The following ERICH5 variants were observed in gnomAD, a reference collection of about 807,000 sequenced individuals.
The protein encoded by ERICH5 is glutamate rich 5, also known as glutamate-rich protein 5.
In ERICH5, 24 loss-of-function variants were observed where a neutral mutation model predicts 28.0. The observed-to-expected ratio is 0.86, with a 90% CI of 0.62 to 1.21. The LOEUF is 1.21. Ranked by LOEUF, ERICH5 falls within the 50% of genes most tolerant of loss-of-function variation. The probability of loss-of-function intolerance (pLI) is 0.00; values close to 1 mark genes in which losing one functional copy is unlikely to be tolerated. For missense variants in ERICH5, 421 were observed against 441.2 expected, an observed-to-expected ratio of 0.95 and a Z score of 0.41; for synonymous variants, 163 against 157.6, an observed-to-expected ratio of 1.03 and a Z score of -0.25.
At chr8:98,066,197 G>A (rs1006504699) in intron 1 of ERICH5, among the ~76,000 whole-genome samples, 1 of 152,168 alleles carries the variant, frequency 6.6e-6, no homozygotes, top group African/African-American at 2.4e-5. Context: ...TCGATGTTTC[G>A]TGTTTTATGT....
At chr8:98,075,785 C>CTTTTTTGTTTTTT (rs1815041098) in intron 1 of ERICH5, among the ~76,000 whole-genome samples, 1 of 81,646 alleles carries the variant, frequency 1.2e-5, no homozygotes, top group Non-Finnish European at 2.3e-5. Flanking sequence ...GCACACCTGC[C>CTTTTTTGTTTTTT]TTTTTTTTTT....
At chr8:98,073,466 A>C (rs4048725) in intron 1 of ERICH5, among the ~76,000 whole-genome samples, 31 of 2,014 alleles carry the variant, frequency 0.015, 4 homozygotes, top group African/African-American at 0.032. Flanking sequence ...ATATGTATAT[A>C]TATATATATA....
At chr8:98,066,095 C>A (rs1814814947) in intron 1 of ERICH5, among the ~76,000 whole-genome samples, 1 of 152,186 alleles carries the variant, frequency 6.6e-6, no homozygotes, top group Non-Finnish European at 1.5e-5. Context: ...AAATTCATTT[C>A]TAATGCACAG....
At chr8:98,067,926 G>GA (rs1563752133) in intron 1 of ERICH5, among the ~76,000 whole-genome samples, 1 of 151,890 alleles carries the variant, frequency 6.6e-6, no homozygotes, top group Admixed American at 6.6e-5. Context: ...ATTATTTAGG[G>GA]ATAGAATAAT....
At chr8:98,073,424 CTCTCTCTCTATA>C (rs1184978009) in intron 1 of ERICH5, among the ~76,000 whole-genome samples, 1 of 21,246 alleles carries the variant, frequency 4.7e-5, no homozygotes, top group Non-Finnish European at 7.7e-5. Flanking sequence ...CTCTCTCTCT[CTCTCTCTCTATA>C]TATATATATA....
At chr8:98,076,958 C>G (rs1211586240) in intron 1 of ERICH5, among the ~76,000 whole-genome samples, 1 of 152,132 alleles carries the variant, frequency 6.6e-6, no homozygotes, top group African/African-American at 2.4e-5. Flanking sequence ...CTGTGTGCCC[C>G]TCTTAGATAA....
At chr8:98,073,842 T>A (rs1352219722) in intron 1 of ERICH5, among the ~76,000 whole-genome samples, 1 of 148,430 alleles carries the variant, frequency 6.7e-6, no homozygotes, top group Non-Finnish European at 1.5e-5. Context: ...TGCACCCAGC[T>A]TTTTGTGTTT....
intron 1 of ERICH5, among the ~76,000 whole-genome samples, chr8:98,067,463 A>C (rs1370472075): frequency 1.3e-5 from 2 of 151,908 alleles, no homozygotes; most frequent in Non-Finnish European, 2.9e-5. Flanking sequence ...ATTAAAAAAA[A>C]AAAAAAAGAA....
intron 1 of ERICH5, among the ~76,000 whole-genome samples, chr8:98,087,108 C>CGG (rs1411944556): frequency 6.6e-6 from 1 of 152,096 alleles, no homozygotes; most frequent in Non-Finnish European, 1.5e-5. Context: ...TCTGGGAAGT[C>CGG]AAGGCAGGTG....
At chr8:98,092,291 C>T (rs894742884) in intron 2 of ERICH5, among the ~76,000 whole-genome samples, 10 of 152,014 alleles carry the variant, frequency 6.6e-5, no homozygotes, top group Non-Finnish European at 8.8e-5. Context: ...TCTCCCTCCT[C>T]GGCCTCCTGA....
chr8:98,091,824 C>CTTTCTT (rs1292495553), intron 2 of ERICH5, among the ~76,000 whole-genome samples: 2 of 149,764 alleles, frequency 1.3e-5, no homozygotes, highest in Non-Finnish European at 3.0e-5. Context: ...CTTTCTTTTT[C>CTTTCTT]TTTCTTTTTC....
chr8:98,088,855 G>A (rs1447093423), intron 1 of ERICH5, among the ~76,000 whole-genome samples: 4 of 152,150 alleles, frequency 2.6e-5, no homozygotes. Context: ...TGGTTTTGGA[G>A]GACTTCAGCG....
chr8:98,081,378 T>C (rs1258992211), intron 1 of ERICH5, among the ~76,000 whole-genome samples: 1 of 152,182 alleles, frequency 6.6e-6, no homozygotes, highest in Non-Finnish European at 1.5e-5. Context: ...AGTGCTGAGA[T>C]TACAAGTGTG....
chr8:98,080,288 G>A (rs1815154004), intron 1 of ERICH5, among the ~76,000 whole-genome samples: 1 of 152,244 alleles, frequency 6.6e-6, no homozygotes, highest in Non-Finnish European at 1.5e-5. Context: ...GATCCAGAGA[G>A]GTTAGGAACT....
Position 98,081,108 on chromosome 8 carries a change from T to C in ERICH5, c.59-7968T>C, listed in dbSNP as rs541121327. Among the ~76,000 whole-genome samples the C allele has an allele frequency of 6.0e-4, 90 of 150,148 alleles. 1 individual carries two copies. Among genetic ancestry groups the C allele is most frequent in the African/African-American group, 1.8e-3 (74 of 40,598 alleles). On this transcript the variant is annotated intron_variant, in intron 1 of 2. Transcript: ENST00000318528. Reference sequence around the variant, plus strand: ...TCTTTCTCTCTCTCTCTCTCTCTCTTTTTTTCTTTTTTCTTGAAACAGGGT... The same window carrying C: ...TCTTTCTCTCTCTCTCTCTCTCTCTCTTTTTCTTTTTTCTTGAAACAGGGT...
intron 1 of ERICH5, among the ~76,000 whole-genome samples, chr8:98,076,668 T>C (rs1423597807): frequency 6.6e-6 from 1 of 152,186 alleles, no homozygotes; most frequent in African/African-American, 2.4e-5. Context: ...TGTATATTCA[T>C]ATAGGATTGT....
chr8:98,088,047 T>G (rs1815311863), intron 1 of ERICH5, among the ~76,000 whole-genome samples: 1 of 152,060 alleles, frequency 6.6e-6, no homozygotes, highest in Admixed American at 6.6e-5. Context: ...CATAGTGAGA[T>G]CCTGTCTCTA....
intron 1 of ERICH5, among the ~76,000 whole-genome samples, chr8:98,066,034 G>C (rs1167375588): frequency 6.6e-6 from 1 of 152,146 alleles, no homozygotes; most frequent in Non-Finnish European, 1.5e-5. Flanking sequence ...AAAATTAAAA[G>C]CATTATAAAA....
Position 98,089,456 on chromosome 8 carries a change from G to A in ERICH5, c.439G>A (p.Ala147Thr). 2 of 1,614,238 alleles carry A rather than the reference G, an allele frequency of 1.2e-6. No homozygotes were observed. Among genetic ancestry groups the A allele is most frequent in the Non-Finnish European group, 1.7e-6 (2 of 1,180,042 alleles). Reference sequence around the variant, plus strand: ...AGAGGCCGAGTCTCTAAAAGGAAATGCTGAAGCTCAGCCTTTAGGACCAGA... The same window carrying A: ...AGAGGCCGAGTCTCTAAAAGGAAATACTGAAGCTCAGCCTTTAGGACCAGA... ...GTEAESLKGN[A>T]EAQPLGPEAK... is the part of the protein sequence containing the mutation. The change falls in exon 2 of 3, where the codon GCT becomes ACT. Residue 147 changes from alanine (A) to threonine (T), a missense_variant. By Grantham distance (58) the Ala-to-Thr change is moderately conservative. Coordinates refer to ENST00000318528, the MANE Select transcript of ERICH5 (RefSeq NM_173549.3).
Sources: allele counts gnomAD v4.1 joint callset (sites outside exome capture counted in the v4.1 genomes callset), GRCh38; gene constraint gnomAD v4.1.1; transcripts MANE v1.5; gene names NCBI Gene and HGNC (gene_info 2026-07-23, HGNC 2026-07-21).